Variants in SMC6 observed in about 807,000 individuals in gnomAD.
The protein encoded by SMC6 is structural maintenance of chromosomes protein 6.
Under a neutral mutation model 142.2 loss-of-function variants are expected in SMC6, and 79 were observed. That is an observed-to-expected ratio of 0.56 (90% CI 0.46 to 0.67). The LOEUF (loss-of-function observed/expected upper bound fraction) is 0.67. Ranked by LOEUF, SMC6 falls within the 30% of genes least tolerant of loss-of-function variation. SMC6 has a pLI of 0.00. For missense variants in SMC6, 1,072 were observed against 1,284.0 expected (o/e 0.83, Z 2.52); for synonymous variants, 411 against 412.4 (o/e 1.00, Z 0.04).
At chr2:17,696,066 C>T (rs578058371) in intron 22 of SMC6, among the ~76,000 whole-genome samples, 4 of 152,284 alleles carry the variant, frequency 2.6e-5, no homozygotes, top group South Asian at 4.1e-4. Context: ...CTAAAGCACT[C>T]AGAGGCATAA....
At chr2:17,695,753 CAAAT>C (rs1172643058) in intron 22 of SMC6, among the ~76,000 whole-genome samples, 1 of 152,118 alleles carries the variant, frequency 6.6e-6, no homozygotes, top group African/African-American at 2.4e-5. Flanking sequence ...TATTCTTAAA[CAAAT>C]GAGGAAAACA....
chr2:17,689,386 A>G (rs1667599940), intron 23 of SMC6, among the ~76,000 whole-genome samples: 3 of 152,226 alleles, frequency 2.0e-5, no homozygotes, highest in Admixed American at 6.5e-5. Context: ...GAACTGGACT[A>G]CAGGTATCAA....
chr2:17,717,489 G>C (rs1669153674), intron 12 of SMC6, among the ~76,000 whole-genome samples: 1 of 151,990 alleles, frequency 6.6e-6, no homozygotes, highest in East Asian at 1.9e-4. Flanking sequence ...GGCTAACATG[G>C]TGAAACCCCG....
chr2:17,692,587 T>C (rs1344736523), intron 23 of SMC6, among the ~76,000 whole-genome samples: 1 of 152,102 alleles, frequency 6.6e-6, no homozygotes, highest in Admixed American at 6.6e-5. Context: ...ATGTTAGACC[T>C]AAAACCATAA....
intron 24 of SMC6, chr2:17,681,259 G>A (rs1667228191): frequency 6.6e-6 from 1 of 152,248 alleles, no homozygotes; most frequent in African/African-American, 2.4e-5. Flanking sequence ...TTAAGGGAAT[G>A]TTGTAGCTGC....
chr2:17,707,749 CCCTAGAAAAGA>C (rs1439080428), intron 17 of SMC6, among the ~76,000 whole-genome samples: 1 of 151,722 alleles, frequency 6.6e-6, no homozygotes, highest in Non-Finnish European at 1.5e-5. Context: ...GACTTTTATA[CCCTAGAAAAGA>C]TATGAATGAA....
intron 23 of SMC6, among the ~76,000 whole-genome samples, chr2:17,689,151 G>A (rs1344216355): frequency 2.0e-5 from 3 of 152,088 alleles, no homozygotes; most frequent in African/African-American, 7.2e-5. Context: ...GAGAGAGAGA[G>A]AAATAGATAG....
intron 12 of SMC6, 93 bp downstream of exon 12, chr2:17,717,984 A>C: frequency 7.2e-6 from 9 of 1,245,732 alleles, no homozygotes; most frequent in Non-Finnish European, 9.7e-6. Flanking sequence ...AGACTATTTC[A>C]AAAAAAATAA....
Position 17,731,120 on chromosome 2 carries a change from C to T in SMC6, c.501G>A (p.Arg167=). The part of the protein sequence containing the change: ...KSATGSVVST[R]KEELIAILDH... ...CAAGAATTGCAATCAGCTCTTCTTT[C>T]CTCGTGGAAACCACGGAGCCTAGTT... Residue 167 remains arginine (R), a synonymous_variant, in exon 7 of 28, where the codon AGG becomes AGA. Transcript: ENST00000448223. The T allele has an allele frequency of 6.2e-7, 1 of 1,612,612 alleles. No homozygotes were observed. Among genetic ancestry groups the T allele is most frequent in the Non-Finnish European group, 8.5e-7 (1 of 1,179,292 alleles).
At chr2:17,737,686 G>C (rs144311342) in intron 5 of SMC6, among the ~76,000 whole-genome samples, 2 of 152,278 alleles carry the variant, frequency 1.3e-5, no homozygotes, top group African/African-American at 4.8e-5. Context: ...ACTAAAAACA[G>C]ATCTGTCATT....
intron 25 of SMC6, among the ~76,000 whole-genome samples, chr2:17,673,558 AAAAATTTTTTTTTTT>A (rs1666863042): frequency 6.6e-6 from 1 of 151,500 alleles, no homozygotes; most frequent in Non-Finnish European, 1.5e-5. Flanking sequence ...TTATTTAAAA[AAAAATTTTTTTTTTT>A]AAATTTTTTT....
intron 25 of SMC6, among the ~76,000 whole-genome samples, chr2:17,678,152 A>C: frequency 6.6e-6 from 1 of 152,138 alleles, no homozygotes; most frequent in East Asian, 1.9e-4. Context: ...AAATAGTATA[A>C]ACACAATTAA....
chr2:17,726,616 T>TA (rs1396402088), intron 7 of SMC6, 147 bp from the exon 8 acceptor site: 9 of 560,798 alleles, frequency 1.6e-5, no homozygotes, highest in Admixed American at 3.4e-5. Flanking sequence ...ATAAAAATAC[T>TA]AAAAAAAAGT....
intron 2 of SMC6, among the ~76,000 whole-genome samples, chr2:17,747,730 C>T (rs990409636): frequency 5.3e-5 from 8 of 152,152 alleles, no homozygotes; most frequent in Non-Finnish European, 1.2e-4. Flanking sequence ...TCTCGAACTT[C>T]TGACCTCAAG....
chr2:17,725,408 T>C (rs370965537), intron 8 of SMC6, 50 bp from the exon 9 acceptor site: 38 of 1,284,240 alleles, frequency 3.0e-5, no homozygotes, highest in East Asian at 7.2e-5. Flanking sequence ...TAAACTTCCA[T>C]AGAACTGTTA....
intron 23 of SMC6, among the ~76,000 whole-genome samples, chr2:17,688,949 G>A (rs1297755939): frequency 6.6e-6 from 1 of 152,138 alleles, no homozygotes; most frequent in Admixed American, 6.5e-5. Context: ...GTAAAGATTC[G>A]TTCAGGTAAG....
chr2:17,677,895 G>T (rs548570177), intron 25 of SMC6, among the ~76,000 whole-genome samples: 17 of 152,254 alleles, frequency 1.1e-4, no homozygotes, highest in Middle Eastern at 3.4e-3. Context: ...AACATTTATT[G>T]TAAGTATTAA....
intron 25 of SMC6, among the ~76,000 whole-genome samples, chr2:17,674,619 T>C (rs1256914134): frequency 6.6e-6 from 1 of 152,206 alleles, no homozygotes; most frequent in East Asian, 1.9e-4. Context: ...CTATCCATTA[T>C]TGAGAAAAGT....
intron 16 of SMC6, among the ~76,000 whole-genome samples, chr2:17,712,235 T>C (rs542852411): frequency 1.3e-5 from 2 of 152,286 alleles, no homozygotes; most frequent in East Asian, 3.9e-4. Context: ...AGTCTATGAG[T>C]GAATGCAGTC....
Sources: gnomAD v4.1 joint callset for allele counts (sites outside exome capture counted in the v4.1 genomes callset) on GRCh38, gnomAD v4.1.1 for gene constraint, MANE v1.5 for transcripts, NCBI Gene and HGNC (gene_info 2026-07-23, HGNC 2026-07-21) for gene names.